PRKAG2: variants seen among roughly 807,000 people sequenced by gnomAD.
PRKAG2 encodes the protein 5'-AMP-activated protein kinase subunit gamma-2.
A neutral mutation model predicts 69.6 loss-of-function variants in PRKAG2; 26 were observed. The ratio of observed to expected loss-of-function variants is 0.37; its 90% CI spans 0.27 to 0.52. The LOEUF is 0.52. PRKAG2 is among the 20% of genes least tolerant of loss of function. The pLI is 0.90. For missense variants in PRKAG2, 557 were observed against 740.0 expected (o/e 0.75, Z 2.87); for synonymous variants, 293 against 285.0 (o/e 1.03, Z -0.28).
At chr7:151,701,249 A>G (rs115234454) in intron 3 of PRKAG2, among the ~76,000 whole-genome samples, 64 of 152,340 alleles carry the variant, frequency 4.2e-4, no homozygotes, top group African/African-American at 1.5e-3. Context: ...TGTGCTGTCC[A>G]AGAGGCAGCC....
intron 3 of PRKAG2, among the ~76,000 whole-genome samples, chr7:151,726,384 A>ACACACG (rs1797959050): frequency 1.2e-5 from 1 of 86,460 alleles, no homozygotes; most frequent in Admixed American, 1.2e-4. Flanking sequence ...ACACACACAC[A>ACACACG]CACACACACA....
At chr7:151,652,186 C>A (rs1023598599) in intron 4 of PRKAG2, among the ~76,000 whole-genome samples, 6 of 152,232 alleles carry the variant, frequency 3.9e-5, no homozygotes, top group East Asian at 3.9e-4. Flanking sequence ...ATTTAAAAAA[C>A]CCCACCACTT....
rs369704407 is a variant in PRKAG2, at chr7:151,625,620, G to C, written c.754+6449C>G. Among the ~76,000 whole-genome samples, 104 of 152,306 alleles carry C rather than the reference G, an allele frequency of 6.8e-4. 1 individual carries two copies. The Middle Eastern group carries it at 0.031, about 45-fold the overall frequency. ...AACGGTCCATAGGAAGATGACACTG[G>C]CCGGGAGTGAGGGAGAGAGGTGAAC... On this transcript the variant is annotated intron_variant, in intron 5 of 15. Transcript: ENST00000287878.
intron 4 of PRKAG2, among the ~76,000 whole-genome samples, chr7:151,636,397 A>G: frequency 6.6e-6 from 1 of 152,100 alleles, no homozygotes. Context: ...TTTCTCATCA[A>G]TGGGATCATA....
chr7:151,702,180 T>C (rs1837827617), intron 3 of PRKAG2, among the ~76,000 whole-genome samples: 1 of 152,178 alleles, frequency 6.6e-6, no homozygotes, highest in African/African-American at 2.4e-5. Flanking sequence ...GAGGGTGGTG[T>C]TCTGCAGAAT....
intron 5 of PRKAG2, among the ~76,000 whole-genome samples, chr7:151,610,230 A>C (rs567044427): frequency 2.0e-5 from 3 of 152,190 alleles, no homozygotes; most frequent in African/African-American, 7.2e-5. Flanking sequence ...TTATCCGGGC[A>C]TGGTGGCGGG....
intron 1 of PRKAG2, among the ~76,000 whole-genome samples, chr7:151,823,500 C>A (rs554817841): frequency 1.3e-5 from 2 of 150,770 alleles, no homozygotes; most frequent in South Asian, 2.2e-4. Flanking sequence ...GGGTGCAGAC[C>A]CCTCTCCTAA....
chr7:151,813,764 C>A (rs1003436004), intron 1 of PRKAG2, among the ~76,000 whole-genome samples: 1 of 152,180 alleles, frequency 6.6e-6, no homozygotes, highest in African/African-American at 2.4e-5. Context: ...CCACTCCCCT[C>A]CCATCTGCTG....
Position 151,781,070 on chromosome 7 carries a change from C to G in PRKAG2, c.466+82G>C. ...GCTGCTCACAGCCACCTGGCAGCTT[C>G]GGTGCCACCGTGGATGTGTGGCTGC... On this transcript the variant is annotated intron_variant, in intron 3 of 15. Coordinates refer to ENST00000287878, the MANE Select transcript of PRKAG2 (RefSeq NM_016203.4). This position sits in a 1 kb window ranked among gnomAD's most constrained non-coding sequence, Gnocchi z 6.1. 6.3e-7 allele frequency: 1 copy of G among 1,574,878 alleles called. No individual in the cohort carries two copies. The highest frequency in any genetic ancestry group is 8.7e-7 in the Non-Finnish European group (1 of 1,149,214).
chr7:151,815,315 G>T (rs2078609110), intron 1 of PRKAG2, among the ~76,000 whole-genome samples: 1 of 152,090 alleles, frequency 6.6e-6, no homozygotes. Context: ...GATCCTGGAG[G>T]GACTGCCCTC....
At position 151,632,283 on chromosome 7, in the gene PRKAG2, C is replaced by A; in HGVS notation, c.685-145G>T. 1 of 987,256 alleles carries A rather than the reference C, an allele frequency of 1.0e-6. No homozygotes were observed. Among genetic ancestry groups the A allele is most frequent in the Non-Finnish European group, 1.2e-6 (1 of 827,778 alleles). 61.2% of individuals were successfully genotyped at this position (987,256 alleles called of 1,614,324 possible). A position where few individuals can be genotyped will look rare whatever the true frequency, so the allele number is the denominator to read the frequency against. ...TGGCAGGGGACGCGGGCAGCGGGGG[C>A]CGGGGGCGGAGCGGGAGCGCTGCCC... On this transcript the variant is annotated intron_variant, in intron 4 of 15. Transcript: ENST00000287878. The surrounding 1 kb of genome is among the most constrained non-coding windows in gnomAD (Gnocchi z 4.2).
intron 3 of PRKAG2, among the ~76,000 whole-genome samples, chr7:151,716,336 C>A (rs549366907): frequency 6.0e-4 from 91 of 152,266 alleles, no homozygotes; most frequent in African/African-American, 2.2e-3. Flanking sequence ...TGGATAGAGA[C>A]CTCCATCGGG....
chr7:151,770,178 G>T (rs374815471), intron 3 of PRKAG2, among the ~76,000 whole-genome samples: 7 of 152,100 alleles, frequency 4.6e-5, no homozygotes, highest in Admixed American at 2.0e-4. Flanking sequence ...TTGCAGGTTC[G>T]ACACAACCGA....
At chr7:151,652,187 C>T (rs970370935) in intron 4 of PRKAG2, among the ~76,000 whole-genome samples, 1 of 152,066 alleles carries the variant, frequency 6.6e-6, no homozygotes, top group Non-Finnish European at 1.5e-5. Context: ...TTTAAAAAAC[C>T]CCACCACTTG....
rs534159231 is a variant in PRKAG2, at chr7:151,569,331, AGC to A, written c.1107-491_1107-490del. On this transcript the variant is annotated intron_variant, in intron 10 of 15. Coordinates refer to ENST00000287878, the MANE Select transcript of PRKAG2 (RefSeq NM_016203.4). Reference sequence around the variant, plus strand: ...ATTACGGGCATGAGCCCTTGCGCCCAGCCAGGAAGAGGAGTTTTTTTAAAGAG... The same window carrying A: ...ATTACGGGCATGAGCCCTTGCGCCCACAGGAAGAGGAGTTTTTTTAAAGAG... Among the ~76,000 whole-genome samples, 137 of 152,380 alleles carry A rather than the reference AGC, an allele frequency of 9.0e-4. 1 individual carries two copies. Among genetic ancestry groups the A allele is most frequent in the African/African-American group, 3.2e-3 (135 of 41,596 alleles).
At chr7:151,623,521 T>G (rs902869175) in intron 5 of PRKAG2, among the ~76,000 whole-genome samples, 9 of 152,270 alleles carry the variant, frequency 5.9e-5, no homozygotes, top group Non-Finnish European at 4.4e-5. Flanking sequence ...CTCGCTCGCC[T>G]GCTGCTCACC....
At chr7:151,722,743 C>A (rs746467756) in intron 3 of PRKAG2, among the ~76,000 whole-genome samples, 1 of 152,112 alleles carries the variant, frequency 6.6e-6, no homozygotes, top group Admixed American at 6.6e-5. Flanking sequence ...AGCTCAACAC[C>A]GATTCCCAGT....
intron 1 of PRKAG2, among the ~76,000 whole-genome samples, chr7:151,841,522 G>T (rs62638844): frequency 0.71 from 104,172 of 146,082 alleles, 37,123 homozygotes; most frequent in East Asian, 0.81. Flanking sequence ...GTGATGGTAG[G>T]GATGGTAGGG....
chr7:151,609,496 T>G (rs1818258622), intron 5 of PRKAG2, among the ~76,000 whole-genome samples: 1 of 152,188 alleles, frequency 6.6e-6, no homozygotes, highest in Admixed American at 6.5e-5. Context: ...AAGAGCAGGA[T>G]AGTGACTCAA....
Sources: allele counts gnomAD v4.1 joint callset (sites outside exome capture counted in the v4.1 genomes callset), GRCh38; gene constraint gnomAD v4.1.1; non-coding constraint Gnocchi (gnomAD v3.1); transcripts MANE v1.5; gene names NCBI Gene and HGNC (gene_info 2026-07-23, HGNC 2026-07-21).